PCDH9: variants seen among roughly 807,000 people sequenced by gnomAD.
The protein encoded by PCDH9 is protocadherin-9.
Under a neutral mutation model 70.6 loss-of-function variants are expected in PCDH9, and 24 were observed. The ratio of observed to expected loss-of-function variants is 0.34; its 90% CI spans 0.25 to 0.48. PCDH9 has a LOEUF of 0.48. PCDH9 is among the 20% of genes least tolerant of loss of function. The pLI is 0.99. For missense variants in PCDH9, 1,281 were observed against 1,503.6 expected (o/e 0.85, Z 2.45); for synonymous variants, 562 against 558.5 (o/e 1.01, Z -0.09).
intron 3 of PCDH9, among the ~76,000 whole-genome samples, chr13:66,787,851 A>G (rs1213218458): frequency 2.6e-5 from 4 of 152,168 alleles, no homozygotes; most frequent in Non-Finnish European, 4.4e-5. Flanking sequence ...ACACAGTAAT[A>G]AAGTGTTTAG....
intron 3 of PCDH9, among the ~76,000 whole-genome samples, chr13:66,669,898 AC>A (rs769097064): frequency 5.3e-5 from 8 of 152,216 alleles, no homozygotes; most frequent in Non-Finnish European, 1.0e-4. Flanking sequence ...ATTTAATAAA[AC>A]TAAAAATAAA....
chr13:66,553,728 T>G (rs527282703), intron 4 of PCDH9, among the ~76,000 whole-genome samples: 154 of 152,324 alleles, frequency 1.0e-3, no homozygotes, highest in Middle Eastern at 3.4e-3. Context: ...ATATAATACA[T>G]GCAGAAACAT....
intron 3 of PCDH9, among the ~76,000 whole-genome samples, chr13:66,796,665 T>C (rs1419032529): frequency 2.0e-5 from 3 of 152,126 alleles, no homozygotes; most frequent in African/African-American, 7.2e-5. Context: ...AATTAATCCT[T>C]TCAACAAGTA....
At chr13:66,703,140 G>A (rs2078668349) in intron 3 of PCDH9, among the ~76,000 whole-genome samples, 1 of 152,134 alleles carries the variant, frequency 6.6e-6, no homozygotes, top group South Asian at 2.1e-4. Context: ...AAAATGAATA[G>A]CAGCATACAT....
intron 3 of PCDH9, among the ~76,000 whole-genome samples, chr13:66,710,317 G>A (rs1445839041): frequency 1.3e-5 from 2 of 151,968 alleles, no homozygotes; most frequent in African/African-American, 2.4e-5. Context: ...AATTCTAGAA[G>A]GAAACAGAAT....
At chr13:66,547,810 C>A (rs984856610) in intron 4 of PCDH9, among the ~76,000 whole-genome samples, 2 of 148,576 alleles carry the variant, frequency 1.3e-5, no homozygotes, top group Non-Finnish European at 3.0e-5. Context: ...AATCTTGATT[C>A]AAGTGGATAT....
chr13:66,899,344 G>C lies in PCDH9; in HGVS notation c.3138+4160C>G, dbSNP rs545210520. On this transcript the variant is annotated intron_variant, in intron 3 of 4. Coordinates refer to ENST00000377865, the MANE Select transcript of PCDH9 (RefSeq NM_203487.3). ...ATAACTGCCACATTTCCAAAGTCTA[G>C]AGGCTAAAATTCACAGTTAGTTTAA... Among the ~76,000 whole-genome samples, 10 of 152,090 alleles carry C rather than the reference G, an allele frequency of 6.6e-5. No homozygotes were observed. In the South Asian group the frequency reaches 1.9e-3, roughly 28 times the overall value.
chr13:67,093,044 T>C (rs190620094), intron 2 of PCDH9, among the ~76,000 whole-genome samples: 344 of 152,352 alleles, frequency 2.3e-3, no homozygotes, highest in Non-Finnish European at 3.2e-3. Context: ...TAAGAATATT[T>C]TGACCTCCAA....
At chr13:66,725,347 C>G (rs1364699096) in intron 3 of PCDH9, among the ~76,000 whole-genome samples, 1 of 152,160 alleles carries the variant, frequency 6.6e-6, no homozygotes, top group Non-Finnish European at 1.5e-5. Context: ...CCTGCTTCTA[C>G]CCTAAGCCTG....
chr13:66,912,352 C>G (rs1469260269), intron 2 of PCDH9, among the ~76,000 whole-genome samples: 1 of 152,078 alleles, frequency 6.6e-6, no homozygotes, highest in Non-Finnish European at 1.5e-5. Context: ...CTGAAACTGA[C>G]TTGTTGGAAA....
Position 67,227,883 on chromosome 13 carries a change from A to G in PCDH9, c.558T>C (p.Ser186=). The stretch of plus-strand genomic sequence containing the variant: ...TTTCCACGATATCCAGTCCAAAAAC[A>G]CTCTGCCCATTTAACAATTCATAAT... ...VQHYELLNGQ[S]VFGLDIVETP... is the part of the protein sequence containing the mutation. Residue 186 remains serine (S), a synonymous_variant, in exon 2 of 5, where the codon AGT becomes AGC. Coordinates refer to ENST00000377865, the MANE Select transcript of PCDH9 (RefSeq NM_203487.3). The surrounding 1 kb of genome is among the most constrained non-coding windows in gnomAD (Gnocchi z 4.6). 6.2e-7 allele frequency: 1 copy of G among 1,613,810 alleles called. No individual in the cohort carries two copies. Among genetic ancestry groups the G allele is most frequent in the African/African-American group, 1.3e-5 (1 of 74,918 alleles).
chr13:66,746,220 C>CTGGTGTT (rs2079360805), intron 3 of PCDH9, among the ~76,000 whole-genome samples: 1 of 152,084 alleles, frequency 6.6e-6, no homozygotes, highest in African/African-American at 2.4e-5. Flanking sequence ...CATCTAAAAA[C>CTGGTGTT]AATGCTATGT....
At chr13:66,653,498 AAGAC>A (rs2077881146) in intron 3 of PCDH9, among the ~76,000 whole-genome samples, 1 of 152,154 alleles carries the variant, frequency 6.6e-6, no homozygotes, top group African/African-American at 2.4e-5. Context: ...ATTTTTCCAA[AAGAC>A]AGGCCATAAC....
chr13:66,701,317 G>A (rs1257715092), intron 3 of PCDH9, among the ~76,000 whole-genome samples: 1 of 151,758 alleles, frequency 6.6e-6, no homozygotes, highest in African/African-American at 2.4e-5. Flanking sequence ...GGGTGTCTGA[G>A]TATGTAAATA....
At chr13:66,802,101 G>C (rs994016592) in intron 3 of PCDH9, among the ~76,000 whole-genome samples, 7 of 151,650 alleles carry the variant, frequency 4.6e-5, no homozygotes, top group African/African-American at 1.7e-4. Context: ...CAGGTCAACT[G>C]TACATAGAAT....
chr13:66,866,399 G>A (rs1232390969), intron 3 of PCDH9, among the ~76,000 whole-genome samples: 1 of 151,132 alleles, frequency 6.6e-6, no homozygotes, highest in Non-Finnish European at 1.5e-5. Context: ...AGAGAATGGC[G>A]GGAACCCGGG....
chr13:66,377,520 T>C (rs545303175), intron 4 of PCDH9, among the ~76,000 whole-genome samples: 1 of 152,264 alleles, frequency 6.6e-6, no homozygotes, highest in South Asian at 2.1e-4. Context: ...ATATGCTGAA[T>C]TTACATGCAA....
At position 67,203,192 on chromosome 13, in the gene PCDH9, A is replaced by G. The variant is rs2138058511; in HGVS notation, c.3036+22213T>C. Reference sequence around the variant, plus strand: ...TAATTCTTTCTTAATTTTTGAAATTAGATAAATATAAACAAGCTTTCATAA... The same window carrying G: ...TAATTCTTTCTTAATTTTTGAAATTGGATAAATATAAACAAGCTTTCATAA... On this transcript the variant is annotated intron_variant, in intron 2 of 4. Transcript: ENST00000377865. 2 of 152,318 alleles carry G rather than the reference A, an allele frequency of 1.3e-5. 1 individual carries two copies. Among genetic ancestry groups the G allele is most frequent in the South Asian group, 4.1e-4 (2 of 4,832 alleles). 9.4% of individuals were successfully genotyped at this position (152,318 alleles called of 1,614,324 possible). A position where few individuals can be genotyped will look rare whatever the true frequency, so the allele number is the denominator to read the frequency against.
intron 3 of PCDH9, among the ~76,000 whole-genome samples, chr13:66,686,196 G>T (rs2078399215): frequency 6.6e-6 from 1 of 152,142 alleles, no homozygotes; most frequent in African/African-American, 2.4e-5. Flanking sequence ...CCCAGTGGGA[G>T]GTAATTGAAT....
Sources: allele counts gnomAD v4.1 joint callset (sites outside exome capture counted in the v4.1 genomes callset), GRCh38; gene constraint gnomAD v4.1.1; non-coding constraint Gnocchi (gnomAD v3.1); transcripts MANE v1.5; gene names NCBI Gene and HGNC (gene_info 2026-07-23, HGNC 2026-07-21).